The following INVS variants were observed in gnomAD, a reference collection of about 807,000 sequenced individuals.
INVS encodes the protein inversin.
In INVS, 86 loss-of-function variants were observed where a neutral mutation model predicts 108.8. The observed-to-expected ratio is 0.79, with a 90% confidence interval of 0.66 to 0.95. The LOEUF is 0.95. Ranked by LOEUF, INVS falls within the 40% of genes least tolerant of loss-of-function variation. The probability of loss-of-function intolerance (pLI) is 0.00; values close to 1 mark genes in which losing one functional copy is unlikely to be tolerated. For missense variants in INVS, 1,169 were observed against 1,297.4 expected, an observed-to-expected ratio of 0.90 and a Z score of 1.52; for synonymous variants, 455 against 473.5, an observed-to-expected ratio of 0.96 and a Z score of 0.51.
intron 2 of INVS, among the ~76,000 whole-genome samples, chr9:100,118,398 G>A (rs1435982049): frequency 2.2e-4 from 34 of 151,484 alleles, no homozygotes; most frequent in Middle Eastern, 3.5e-3. Flanking sequence ...TAGTAGAAAC[G>A]GGGTTTCACC....
chr9:100,226,835 A>AG (rs1831341498), intron 4 of INVS, among the ~76,000 whole-genome samples: 1 of 147,266 alleles, frequency 6.8e-6, no homozygotes, highest in South Asian at 2.1e-4. Context: ...AAAAAAAAAA[A>AG]TCAGTCCTGT....
chr9:100,273,217 C>G lies in INVS; in HGVS notation c.1784+141C>G, dbSNP rs1029301073. The G allele has an allele frequency of 1.2e-5, 9 of 724,442 alleles. No individual in the cohort carries two copies. In the East Asian group the frequency reaches 2.4e-4, roughly 19 times the overall value. The allele number at this position is 724,442 out of a possible 1,614,324, so 44.9% of individuals were successfully genotyped here. A position where few individuals can be genotyped will look rare whatever the true frequency, so the allele number is the denominator to read the frequency against. ...TTGGTCCCTGCAACCGGTCATCTTC[C>G]CTCTTCTCAGCACTCCGTCTTCTGG... On this transcript the variant is annotated intron_variant, in intron 12 of 16. Transcript: ENST00000262457.
chr9:100,171,070 C>T (rs1337979144), intron 3 of INVS, among the ~76,000 whole-genome samples: 1 of 152,060 alleles, frequency 6.6e-6, no homozygotes, highest in Non-Finnish European at 1.5e-5. Context: ...GAAGCCCATT[C>T]CCAAGGAGTA....
intron 2 of INVS, among the ~76,000 whole-genome samples, chr9:100,110,358 G>A (rs1260451805): frequency 6.6e-6 from 1 of 152,142 alleles, no homozygotes; most frequent in African/African-American, 2.4e-5. Context: ...AGAAGTATCA[G>A]AACTGAGATT....
intron 3 of INVS, among the ~76,000 whole-genome samples, chr9:100,162,462 T>C (rs1032222269): frequency 1.3e-5 from 2 of 152,208 alleles, no homozygotes; most frequent in African/African-American, 2.4e-5. Context: ...CTAGCTTTCC[T>C]TGGAGTTAAT....
At chr9:100,144,118 G>T (rs1181187430) in intron 3 of INVS, among the ~76,000 whole-genome samples, 1 of 152,098 alleles carries the variant, frequency 6.6e-6, no homozygotes, top group East Asian at 1.9e-4. Context: ...TGGGCTGCGG[G>T]CATTCCTTGT....
At chr9:100,148,419 AG>A (rs1324711769) in intron 3 of INVS, among the ~76,000 whole-genome samples, 2 of 152,182 alleles carry the variant, frequency 1.3e-5, no homozygotes, top group Admixed American at 6.5e-5. Context: ...GGCAGCAAAA[AG>A]GTTAATAGAA....
At chr9:100,266,767 T>C (rs1213595660) in intron 11 of INVS, among the ~76,000 whole-genome samples, 2 of 152,120 alleles carry the variant, frequency 1.3e-5, no homozygotes, top group Non-Finnish European at 2.9e-5. Flanking sequence ...CCCTCTGACC[T>C]AGGTCTTTGT....
At chr9:100,152,982 G>A (rs555135146) in intron 3 of INVS, among the ~76,000 whole-genome samples, 6 of 150,602 alleles carry the variant, frequency 4.0e-5, no homozygotes, top group East Asian at 3.9e-4. Context: ...GGTTATTTCA[G>A]TGTTGTACAG....
chr9:100,207,971 GATTAC>G (rs143648842), intron 3 of INVS, among the ~76,000 whole-genome samples: 10,835 of 152,182 alleles, frequency 0.071, 526 homozygotes, highest in Non-Finnish European at 0.1. Context: ...AGAATAGTTA[GATTAC>G]AGTTAAAACA....
chr9:100,263,866 G>T (rs1238069196), intron 10 of INVS, among the ~76,000 whole-genome samples: 1 of 151,942 alleles, frequency 6.6e-6, no homozygotes, highest in Non-Finnish European at 1.5e-5. Flanking sequence ...ATCACTTAGG[G>T]CCCATTTTTC....
At chr9:100,295,826 A>G (rs1001835280) in intron 14 of INVS, among the ~76,000 whole-genome samples, 1 of 152,228 alleles carries the variant, frequency 6.6e-6, no homozygotes, top group African/African-American at 2.4e-5. Context: ...CTTCCCCCCA[A>G]GTTCTGTGCC....
At chr9:100,261,836 T>C (rs1039382877) in intron 10 of INVS, among the ~76,000 whole-genome samples, 1 of 152,238 alleles carries the variant, frequency 6.6e-6, no homozygotes, top group Non-Finnish European at 1.5e-5. Flanking sequence ...ATAATTGGCA[T>C]CCTTAATTAA....
At chr9:100,230,802 C>A (rs149245996) in intron 5 of INVS, among the ~76,000 whole-genome samples, 44 of 152,330 alleles carry the variant, frequency 2.9e-4, no homozygotes, top group Admixed American at 9.1e-4. Flanking sequence ...CAGGCGTGAG[C>A]CAACGTGTCC....
rs185789777 is a variant in INVS at position 100,228,073 on chromosome 9, C to T, written c.448-1587C>T. On this transcript the variant is annotated intron_variant, in intron 4 of 16. Coordinates refer to ENST00000262457, the MANE Select transcript of INVS (RefSeq NM_014425.5). ...TGGTGTGATCTTGGCTCACTGAAAC[C>T]TCCACCTCCCAGGTTCAAGCGATTC... is the stretch of plus-strand genomic sequence containing the variant. Among the ~76,000 whole-genome samples, 3 of 148,932 alleles carry T rather than the reference C, an allele frequency of 2.0e-5. No homozygotes were observed. In the East Asian group the frequency reaches 5.8e-4, roughly 29 times the overall value.
At chr9:100,115,113 G>A (rs1387341949) in intron 2 of INVS, among the ~76,000 whole-genome samples, 1 of 152,068 alleles carries the variant, frequency 6.6e-6, no homozygotes, top group Non-Finnish European at 1.5e-5. Flanking sequence ...GTATTGTGAA[G>A]TTTGCTTTTG....
chr9:100,251,254 T>C (rs893234872), intron 8 of INVS, among the ~76,000 whole-genome samples: 2 of 152,234 alleles, frequency 1.3e-5, no homozygotes, highest in African/African-American at 2.4e-5. Context: ...CCCAGCATTA[T>C]AATACTACCC....
chr9:100,109,594 A>C lies in INVS; in HGVS notation c.106+4967A>C, dbSNP rs1827278368. Among the ~76,000 whole-genome samples, 3 of 152,360 alleles carry C rather than the reference A, an allele frequency of 2.0e-5. No homozygotes were observed. In the South Asian group the frequency reaches 6.2e-4, roughly 32 times the overall value. On this transcript the variant is annotated intron_variant, in intron 2 of 16. Coordinates refer to ENST00000262457, the MANE Select transcript of INVS (RefSeq NM_014425.5). ...GACCAGGAAGCACCATTCTGATTCT[A>C]CTACAACTTTTGTTTCACTGTCCAT... is the stretch of plus-strand genomic sequence containing the variant.
At chr9:100,133,955 C>T (rs756592507) in intron 3 of INVS, among the ~76,000 whole-genome samples, 33 of 151,912 alleles carry the variant, frequency 2.2e-4, no homozygotes, top group African/African-American at 7.0e-4. Flanking sequence ...TCTATTTTTC[C>T]ATAAGTTATT....
Sources: allele counts gnomAD v4.1 joint callset (sites outside exome capture counted in the v4.1 genomes callset), GRCh38; gene constraint gnomAD v4.1.1; transcripts MANE v1.5; gene names NCBI Gene and HGNC (gene_info 2026-07-23, HGNC 2026-07-21).